PADI1: variants seen among roughly 807,000 people sequenced by gnomAD.
PADI1 encodes the protein peptidyl arginine deiminase 1.
In PADI1, 65 loss-of-function variants were observed where a neutral mutation model predicts 74.8. The observed-to-expected ratio is 0.87, with a 90% confidence interval of 0.71 to 1.07. The LOEUF (loss-of-function observed/expected upper bound fraction) is 1.07, where lower values mean the gene tolerates loss of function less well. PADI1 is among the 50% of genes least tolerant of loss of function. PADI1 has a pLI of 0.00. For synonymous variants in PADI1, 371 were observed against 336.2 expected (o/e 1.10, Z -1.13); for missense variants, 943 against 854.0 (o/e 1.10, Z -1.30).
intron 1 of PADI1, among the ~76,000 whole-genome samples, chr1:17,208,244 A>T (rs1183216880): frequency 3.3e-5 from 5 of 152,176 alleles, no homozygotes; most frequent in African/African-American, 1.2e-4. Context: ...GAAGTGATTC[A>T]TTCCCCCAGG....
At chr1:17,232,413 CAT>C (rs1274572838) in intron 10 of PADI1, among the ~76,000 whole-genome samples, 2 of 152,204 alleles carry the variant, frequency 1.3e-5, no homozygotes, top group Admixed American at 6.5e-5. Context: ...TTTAAATACA[CAT>C]GTCTAGAGCT....
chr1:17,233,766 G>A (rs1217552352), intron 11 of PADI1, among the ~76,000 whole-genome samples: 1 of 152,226 alleles, frequency 6.6e-6, no homozygotes, highest in African/African-American at 2.4e-5. Flanking sequence ...CTGACCATCT[G>A]GTCTCCAGCC....
At chr1:17,238,248 G>T (rs1356634404) in intron 12 of PADI1, among the ~76,000 whole-genome samples, 1 of 152,172 alleles carries the variant, frequency 6.6e-6, no homozygotes, top group Non-Finnish European at 1.5e-5. Context: ...CACCATGTTG[G>T]CCAGGCTGGT....
intron 6 of PADI1, 123 bp from the exon 7 acceptor site, chr1:17,228,502 C>G (rs560715448): frequency 9.9e-6 from 9 of 912,422 alleles, no homozygotes; most frequent in Admixed American, 9.4e-5. Context: ...GCAGCTTGCA[C>G]GTGGCAGAGC....
intron 1 of PADI1, among the ~76,000 whole-genome samples, chr1:17,217,713 C>T (rs1051337956): frequency 3.3e-5 from 5 of 152,288 alleles, no homozygotes; most frequent in Non-Finnish European, 7.4e-5. Context: ...CTCTTTGAAA[C>T]TCTGAGTCCA....
chr1:17,239,303 G>A (rs2072722959), intron 13 of PADI1, among the ~76,000 whole-genome samples: 1 of 152,208 alleles, frequency 6.6e-6, no homozygotes, highest in Non-Finnish European at 1.5e-5. Context: ...TTTGCTGGCT[G>A]TGGTATCAAG....
At chr1:17,216,474 A>G (rs1378614030) in intron 1 of PADI1, among the ~76,000 whole-genome samples, 1 of 152,138 alleles carries the variant, frequency 6.6e-6, no homozygotes, top group African/African-American at 2.4e-5. Flanking sequence ...TGGAGCTGCT[A>G]TGGACAGACT....
chr1:17,218,388 C>T (rs1303722690), intron 1 of PADI1, among the ~76,000 whole-genome samples: 1 of 152,062 alleles, frequency 6.6e-6, no homozygotes, highest in African/African-American at 2.4e-5. Flanking sequence ...TAAACATTTG[C>T]CAGCACACCA....
intron 11 of PADI1, among the ~76,000 whole-genome samples, chr1:17,237,066 G>C (rs1462868689): frequency 6.6e-6 from 1 of 152,202 alleles, no homozygotes; most frequent in Non-Finnish European, 1.5e-5. Context: ...TATATCATAG[G>C]GTCATCAGGA....
chr1:17,243,979 C>G (rs2072828213), intron 15 of PADI1, 31 bp from the exon 16 acceptor site: 2 of 1,498,640 alleles, frequency 1.3e-6, no homozygotes, highest in East Asian at 4.5e-5. Context: ...TATAGCCAGA[C>G]AGCCTCCCTC....
Position 17,230,089 on chromosome 1 carries a change from A to G in PADI1, c.934A>G (p.Met312Val). 6 of 1,613,714 alleles carry G rather than the reference A, an allele frequency of 3.7e-6. No individual in the cohort carries two copies. The highest frequency in any genetic ancestry group is 5.1e-6 in the Non-Finnish European group (6 of 1,179,708). Residue 312 changes from methionine to valine, a missense_variant, in exon 9 of 16, where the codon ATG becomes GTG. By Grantham distance (21) the Met-to-Val change is conservative (BLOSUM62 1). Coordinates refer to ENST00000375471, the MANE Select transcript of PADI1 (RefSeq NM_013358.3). ...CCCTCTCCCTACCTTTTACAGAGTG[A>G]TGGACACTCATGGCTCCAATGAGAA... ...PPEELYVCRV[M>V]DTHGSNEKFL...
intron 13 of PADI1, among the ~76,000 whole-genome samples, chr1:17,239,290 G>A (rs562600461): frequency 6.6e-6 from 1 of 152,168 alleles, no homozygotes; most frequent in African/African-American, 2.4e-5. Flanking sequence ...CCTGATCTTG[G>A]CATTTGCTGG....
At chr1:17,223,501 G>T in intron 2 of PADI1, 120 bp from the exon 3 acceptor site, 9 of 750,432 alleles carry the variant, frequency 1.2e-5, no homozygotes, top group South Asian at 6.3e-5. Flanking sequence ...TTCAGAGACT[G>T]GGGGGGTCTC....
intron 1 of PADI1, among the ~76,000 whole-genome samples, chr1:17,218,957 G>A (rs1342354631): frequency 1.3e-5 from 2 of 152,178 alleles, no homozygotes; most frequent in Admixed American, 6.5e-5. Flanking sequence ...TGACAAGGGG[G>A]AAGAGTGGGG....
At chr1:17,235,863 G>T (rs1449607764) in intron 11 of PADI1, among the ~76,000 whole-genome samples, 1 of 152,184 alleles carries the variant, frequency 6.6e-6, no homozygotes, top group African/African-American at 2.4e-5. Context: ...CAAGGGTGCA[G>T]GGGTCTGCTC....
At chr1:17,215,396 G>GTCA (rs1341282249) in intron 1 of PADI1, among the ~76,000 whole-genome samples, 8 of 135,366 alleles carry the variant, frequency 5.9e-5, no homozygotes, top group South Asian at 2.1e-4. Flanking sequence ...CATCATCATC[G>GTCA]TCATCATCAT....
In PADI1 at chr1:17,237,464, T is replaced by A. The variant is rs1168378100; in HGVS notation, c.1458+6T>A. ...TGCCTACCTCTGACCAAAAGGTGCG[T>A]CCCCTCCTTCCCTGCCTGAGCCACC... On this transcript the variant is annotated splice_donor_region_variant and intron_variant, in intron 12 of 15. Transcript: ENST00000375471. 1 of 1,602,636 alleles carries A rather than the reference T, an allele frequency of 6.2e-7. No homozygotes were observed. The highest frequency in any genetic ancestry group is 1.1e-5 in the South Asian group (1 of 88,966).
intron 1 of PADI1, among the ~76,000 whole-genome samples, chr1:17,209,160 C>T (rs759994318): frequency 7.2e-5 from 11 of 152,188 alleles, no homozygotes; most frequent in Non-Finnish European, 1.3e-4. Flanking sequence ...GCTTTTAACT[C>T]GCACAGAAGA....
At chr1:17,217,443 G>A (rs1401816736) in intron 1 of PADI1, among the ~76,000 whole-genome samples, 1 of 152,196 alleles carries the variant, frequency 6.6e-6, no homozygotes, top group African/African-American at 2.4e-5. Context: ...GGAAGGCTGG[G>A]AGAAAGTTGA....
Sources: allele counts gnomAD v4.1 joint callset (sites outside exome capture counted in the v4.1 genomes callset), GRCh38; gene constraint gnomAD v4.1.1; transcripts MANE v1.5; gene names NCBI Gene and HGNC (gene_info 2026-07-23, HGNC 2026-07-21).